The following OCIAD1 variants were observed in gnomAD, a reference collection of about 807,000 sequenced individuals.
OCIAD1 encodes the protein OCIA domain containing 1, also known as OCIA domain-containing protein 1.
In OCIAD1, 29 loss-of-function variants were observed where a neutral mutation model predicts 38.9. The observed-to-expected ratio is 0.74, with a 90% confidence interval of 0.55 to 1.02. OCIAD1 has a LOEUF of 1.02. Ranked by LOEUF, OCIAD1 falls within the 50% of genes least tolerant of loss-of-function variation. The pLI, the probability that OCIAD1 is intolerant of heterozygous loss-of-function variation, is 0.00. For missense variants in OCIAD1, 288 were observed against 289.6 expected (o/e 0.99, Z 0.04); for synonymous variants, 110 against 92.0 (o/e 1.20, Z -1.12).
At chr4:48,830,547 AAC>A (rs1368884257), upstream of OCIAD1, 1 of 152,186 alleles carries the variant, frequency 6.6e-6, no homozygotes, top group Non-Finnish European at 1.5e-5. Context: ...TTTTAATTCT[AAC>A]AACCCTATAT....
chr4:48,832,861 C>T (rs1361724646), intron 2 of OCIAD1, 179 bp downstream of exon 2: 2 of 597,368 alleles, frequency 3.3e-6, no homozygotes, highest in Non-Finnish European at 6.0e-6. Flanking sequence ...ATAAGGAGTC[C>T]CACGTTTTTA....
intron 3 of OCIAD1, among the ~76,000 whole-genome samples, chr4:48,834,169 G>C (rs1416505211): frequency 6.6e-6 from 1 of 151,502 alleles, no homozygotes; most frequent in Non-Finnish European, 1.5e-5. Context: ...ATTTTTTTTT[G>C]TTTTTGTTTT....
At chr4:48,857,066 T>C in intron 7 of OCIAD1, 147 bp from the exon 8 acceptor site, 1 of 402,380 alleles carries the variant, frequency 2.5e-6, no homozygotes. Flanking sequence ...TTGGTGAAAG[T>C]ATAGTACCTG....
chr4:48,840,462 G>A (rs1778412952), intron 3 of OCIAD1, among the ~76,000 whole-genome samples: 1 of 152,210 alleles, frequency 6.6e-6, no homozygotes, highest in Admixed American at 6.5e-5. Context: ...GGTAAAATCT[G>A]TTAGTAAGTA....
chr4:48,827,314 T>G (rs1777261560), upstream of OCIAD1, among the ~76,000 whole-genome samples: 1 of 152,216 alleles, frequency 6.6e-6, no homozygotes, highest in Admixed American at 6.5e-5. Flanking sequence ...TTTTAAGTGA[T>G]GTCTAATAAG....
intron 3 of OCIAD1, among the ~76,000 whole-genome samples, chr4:48,841,240 G>A (rs1170776213): frequency 1.3e-5 from 2 of 152,158 alleles, no homozygotes; most frequent in African/African-American, 4.8e-5. Context: ...TTTACCATCT[G>A]GCTCTTCATA....
chr4:48,844,609 C>G (rs1253510707), intron 4 of OCIAD1, among the ~76,000 whole-genome samples: 1 of 151,716 alleles, frequency 6.6e-6, no homozygotes, highest in African/African-American at 2.4e-5. Context: ...GAGCGAGACT[C>G]TGTCTCAAAA....
chr4:48,854,653 T>G (rs1779844717), intron 7 of OCIAD1, among the ~76,000 whole-genome samples: 1 of 152,240 alleles, frequency 6.6e-6, no homozygotes, highest in South Asian at 2.1e-4. Flanking sequence ...TATTATTTTA[T>G]GCCTTCCACA....
chr4:48,818,169 G>A (rs1777160351), intron 1 of OCIAD1, among the ~76,000 whole-genome samples: 2 of 152,176 alleles, frequency 1.3e-5, no homozygotes, highest in Non-Finnish European at 2.9e-5. Flanking sequence ...TCTTACAGGA[G>A]AGCTCCAGCT....
intron 4 of OCIAD1, 73 bp from the exon 5 acceptor site, chr4:48,848,326 A>G (rs1779139500): frequency 6.7e-6 from 5 of 741,426 alleles, no homozygotes; most frequent in South Asian, 1.6e-5. Context: ...GTAAGATTAT[A>G]TTTAAAGATA....
intron 7 of OCIAD1, among the ~76,000 whole-genome samples, chr4:48,852,882 GTT>G (rs1439653723): frequency 7.9e-6 from 1 of 126,332 alleles, no homozygotes; most frequent in African/African-American, 3.2e-5. Context: ...TTTGTTTTTT[GTT>G]TTTTTTTTTT....
Position 48,857,312 on chromosome 4 carries a change from A to G in OCIAD1, c.647A>G (p.Gln216Arg), listed in dbSNP as rs1780129790. ...NRESYEVSLT[Q>R]KTDPSVRPMH... ...GAGTCATATGAAGTATCTTTAACAC[A>G]AAAGACTGACCCCTCAGTCAGGCCT... Residue 216 changes from glutamine (Q) to arginine (R), a missense_variant, in exon 8 of 9, where the codon CAA becomes CGA. Coordinates refer to ENST00000264312, the MANE Select transcript of OCIAD1 (RefSeq NM_017830.4). 6.2e-7 allele frequency: 1 copy of G among 1,600,056 alleles called. No homozygotes were observed. Among genetic ancestry groups the G allele is most frequent in the Admixed American group, 1.7e-5 (1 of 58,320 alleles).
chr4:48,855,409 G>A (rs1325482152), intron 7 of OCIAD1, among the ~76,000 whole-genome samples: 1 of 152,028 alleles, frequency 6.6e-6, no homozygotes, highest in Admixed American at 6.6e-5. Context: ...TCTTTTTTTA[G>A]TAAGAAAAAT....
At position 48,859,445 on chromosome 4, in the gene OCIAD1, T is replaced by G. The variant is rs527248679; in HGVS notation, c.701-1280T>G. ...TTTTGTAATCTTTTCTATTATTGTC[T>G]GCATAGCATAGTACTTTACACTGTA... On this transcript the variant is annotated intron_variant, in intron 8 of 8. Transcript: ENST00000264312. Among the ~76,000 whole-genome samples, 7 of 152,310 alleles carry G rather than the reference T, an allele frequency of 4.6e-5. No homozygotes were observed. The East Asian group carries it at 1.3e-3, about 29-fold the overall frequency.
chr4:48,808,359 A>G (rs1777050988), intron 1 of OCIAD1, among the ~76,000 whole-genome samples: 1 of 152,128 alleles, frequency 6.6e-6, no homozygotes, highest in Admixed American at 6.5e-5. Flanking sequence ...AATCCCAGCT[A>G]CTCAGGAAGC....
rs142434498 is a variant in OCIAD1 at position 48,831,172 on chromosome 4, C to T, written c.-83C>T. On this transcript the variant is annotated 5_prime_UTR_variant, in exon 1 of 9. Coordinates refer to ENST00000264312, the MANE Select transcript of OCIAD1 (RefSeq NM_017830.4). ...TTGCACTTTTCTCCCTCCCTGCCCCCTCTCGAGTCCACCCTCCGGGCCTTC... is the reference window on the plus strand; with the variant it reads ...TTGCACTTTTCTCCCTCCCTGCCCCTTCTCGAGTCCACCCTCCGGGCCTTC... 54 of 323,488 alleles carry T rather than the reference C, an allele frequency of 1.7e-4. No homozygotes were observed. Among genetic ancestry groups the T allele is most frequent in the African/African-American group, 1.0e-3 (47 of 46,318 alleles). The allele number at this position is 323,488 out of a possible 1,614,324, so 20.0% of individuals were successfully genotyped here. A position where few individuals can be genotyped will look rare whatever the true frequency, so the allele number is the denominator to read the frequency against.
chr4:48,829,438 C>A (rs1322289109), upstream of OCIAD1, among the ~76,000 whole-genome samples: 1 of 152,138 alleles, frequency 6.6e-6, no homozygotes, highest in African/African-American at 2.4e-5. Context: ...TTCATATGAT[C>A]ATGTGCCAAT....
At chr4:48,845,473 TC>T (rs1778901590) in intron 4 of OCIAD1, among the ~76,000 whole-genome samples, 1 of 152,214 alleles carries the variant, frequency 6.6e-6, no homozygotes, top group African/African-American at 2.4e-5. Flanking sequence ...AAGATTTTTC[TC>T]CTACCTCAGG....
Position 48,860,819 on chromosome 4 carries a change from A to C in OCIAD1, c.*57A>C. On this transcript the variant is annotated 3_prime_UTR_variant, in exon 9 of 9. Coordinates refer to ENST00000264312, the MANE Select transcript of OCIAD1 (RefSeq NM_017830.4). ...AACATCCAGCTTCATCTAGGTGGTC[A>C]TGATTACCTGCATGCTTTGAGCTCA... 1 of 1,223,336 alleles carries C rather than the reference A, an allele frequency of 8.2e-7. No individual in the cohort carries two copies. The highest frequency in any genetic ancestry group is 1.2e-5 in the South Asian group (1 of 81,492). The allele number at this position is 1,223,336 out of a possible 1,614,324, so 75.8% of individuals were successfully genotyped here.
Sources: gnomAD v4.1 joint callset for allele counts (sites outside exome capture counted in the v4.1 genomes callset) on GRCh38, gnomAD v4.1.1 for gene constraint, MANE v1.5 for transcripts, NCBI Gene and HGNC (gene_info 2026-07-23, HGNC 2026-07-21) for gene names.